Variants in SIPA1L2 observed in about 807,000 individuals in gnomAD.
The protein encoded by SIPA1L2 is signal-induced proliferation-associated 1-like protein 2.
SIPA1L2 carries 56 observed loss-of-function variants against 163.9 expected under a neutral mutation model. That is an observed-to-expected ratio of 0.34 (90% CI 0.28 to 0.43). SIPA1L2 has a LOEUF of 0.43. Among genes scored for constraint, SIPA1L2 ranks in the 20% least tolerant of loss-of-function variants. The pLI, the probability that SIPA1L2 is intolerant of heterozygous loss-of-function variation, is 1.00. For synonymous variants in SIPA1L2, 877 were observed against 865.7 expected (o/e 1.01, Z -0.23); for missense variants, 1,974 against 2,193.5 (o/e 0.90, Z 2.00).
intron 2 of SIPA1L2, among the ~76,000 whole-genome samples, chr1:232,560,156 T>A (rs547154650): frequency 7.0e-4 from 107 of 152,328 alleles, no homozygotes; most frequent in African/African-American, 1.3e-3. Flanking sequence ...CTTTGTGTTT[T>A]TAAAAACAGT....
chr1:232,449,349 T>C (rs1663414926), intron 10 of SIPA1L2, among the ~76,000 whole-genome samples: 1 of 150,410 alleles, frequency 6.6e-6, no homozygotes, highest in Non-Finnish European at 1.5e-5. Context: ...AAACCCCGTC[T>C]CTACTAAAAA....
At position 232,464,911 on chromosome 1, in the gene SIPA1L2, C is replaced by G. The variant is rs775401470; in HGVS notation, c.2749G>C (p.Gly917Arg). Residue 917 changes from glycine to arginine, a missense_variant, in exon 9 of 23, where the codon GGA becomes CGA. Physicochemically the swap from Gly to Arg is moderately radical, Grantham distance 125. Coordinates refer to ENST00000674635, the MANE Select transcript of SIPA1L2 (RefSeq NM_020808.5). Reference protein sequence around the residue: ...LVSIKVFYERGECVLLSSVDN... With the variant: ...LVSIKVFYERRECVLLSSVDN... ...ACCGAGGACAGGAGGACACATTCTC[C>G]TCTTTCGTAAAACACTTTGATACTC... is the stretch of plus-strand genomic sequence containing the variant. 8.1e-6 allele frequency: 13 copies of G among 1,614,184 alleles called. No homozygotes were observed. The South Asian group carries it at 1.4e-4, about 18-fold the overall frequency.
intron 1 of SIPA1L2, among the ~76,000 whole-genome samples, chr1:232,596,269 C>T (rs866459703): frequency 2.2e-4 from 34 of 152,302 alleles, no homozygotes; most frequent in African/African-American, 7.9e-4. Context: ...ATCCATTTTC[C>T]CTCATGAAAC....
Position 232,465,537 on chromosome 1 carries a change from TAC to T in SIPA1L2, c.2244-123_2244-122del. On this transcript the variant is annotated intron_variant, in intron 8 of 22. Coordinates refer to ENST00000674635, the MANE Select transcript of SIPA1L2 (RefSeq NM_020808.5). The surrounding 1 kb of genome is among the most constrained non-coding windows in gnomAD (Gnocchi z 4.1). ...ATACATACACACACACACACACATA[TAC>T]ATACACACATACACACACACTTTCA... 1.3e-6 allele frequency: 1 copy of T among 792,896 alleles called. No homozygotes were observed. 49.1% of individuals were successfully genotyped at this position (792,896 alleles called of 1,614,324 possible).
chr1:232,452,668 A>G (rs180732415), intron 10 of SIPA1L2, among the ~76,000 whole-genome samples: 1 of 152,320 alleles, frequency 6.6e-6, no homozygotes, highest in African/African-American at 2.4e-5. Context: ...CTGACCGTCA[A>G]GACCATCACT....
chr1:232,453,849 G>A (rs181602793), intron 10 of SIPA1L2, among the ~76,000 whole-genome samples: 234 of 151,200 alleles, frequency 1.5e-3, no homozygotes, highest in African/African-American at 4.9e-3. Flanking sequence ...AACAAAAGCC[G>A]ATCCTCTAAA....
intron 2 of SIPA1L2, among the ~76,000 whole-genome samples, chr1:232,572,762 T>C (rs77333868): frequency 0.23 from 26,691 of 117,772 alleles, 3,477 homozygotes; most frequent in East Asian, 0.3. Context: ...TATATATATA[T>C]ATATATATAT....
chr1:232,585,539 C>T (rs1403369754), intron 1 of SIPA1L2, among the ~76,000 whole-genome samples: 1 of 152,164 alleles, frequency 6.6e-6, no homozygotes, highest in Non-Finnish European at 1.5e-5. Flanking sequence ...TATTCTCTCT[C>T]CTCCTCTCTC....
At chr1:232,403,264 G>C (rs1055693219) in intron 21 of SIPA1L2, among the ~76,000 whole-genome samples, 184 bp downstream of exon 21, 1 of 152,158 alleles carries the variant, frequency 6.6e-6, no homozygotes, top group Admixed American at 6.5e-5. Flanking sequence ...AGCCAAGAGC[G>C]GTCTCCCACA....
chr1:232,403,851 T>C (rs1196623296), intron 20 of SIPA1L2, among the ~76,000 whole-genome samples: 3 of 152,216 alleles, frequency 2.0e-5, no homozygotes, highest in African/African-American at 7.2e-5. Flanking sequence ...ATTTGCTTTC[T>C]TCTTTCCACA....
intron 2 of SIPA1L2, among the ~76,000 whole-genome samples, chr1:232,568,784 T>C (rs763651240): frequency 6.6e-6 from 1 of 152,228 alleles, no homozygotes; most frequent in East Asian, 1.9e-4. Flanking sequence ...CATGTCTACA[T>C]GTGTTCACTT....
At chr1:232,574,305 A>T (rs1659960725) in intron 1 of SIPA1L2, among the ~76,000 whole-genome samples, 83 bp from the exon 2 acceptor site, 1 of 152,184 alleles carries the variant, frequency 6.6e-6, no homozygotes, top group Non-Finnish European at 1.5e-5. Flanking sequence ...AGGAATCCCC[A>T]GGGGTCCACA....
At chr1:232,620,777 A>C (rs1006799759) in intron 1 of SIPA1L2, among the ~76,000 whole-genome samples, 4 of 152,270 alleles carry the variant, frequency 2.6e-5, no homozygotes, top group Non-Finnish European at 5.9e-5. Context: ...ATTTTGGAAC[A>C]GAGCCAGCTA....
chr1:232,515,776 A>G (rs1234398337), intron 2 of SIPA1L2, among the ~76,000 whole-genome samples, 168 bp from the exon 3 acceptor site: 1 of 152,208 alleles, frequency 6.6e-6, no homozygotes, highest in East Asian at 1.9e-4. Flanking sequence ...TTCCTTCTCT[A>G]CATAGCTAGA....
At chr1:232,585,800 T>C (rs1049301568) in intron 1 of SIPA1L2, among the ~76,000 whole-genome samples, 8 of 152,174 alleles carry the variant, frequency 5.3e-5, no homozygotes, top group Non-Finnish European at 8.8e-5. Flanking sequence ...AAAGGGCTTA[T>C]AGCAACAGCA....
intron 2 of SIPA1L2, among the ~76,000 whole-genome samples, chr1:232,572,411 T>A (rs1447433143): frequency 6.6e-6 from 1 of 152,074 alleles, no homozygotes; most frequent in East Asian, 1.9e-4. Context: ...ATTTACTCAG[T>A]CTCAACGGTT....
intron 17 of SIPA1L2, 23 bp from the exon 18 acceptor site, chr1:232,425,831 G>C: frequency 6.2e-7 from 1 of 1,602,344 alleles, no homozygotes; most frequent in Non-Finnish European, 8.5e-7. Context: ...CAAGGTGCGA[G>C]GAGGGAACAG....
At chr1:232,470,426 G>C (rs1664744416) in intron 8 of SIPA1L2, among the ~76,000 whole-genome samples, 1 of 152,112 alleles carries the variant, frequency 6.6e-6, no homozygotes, top group African/African-American at 2.4e-5. Context: ...AAGATGGCTT[G>C]GGCATCTGTA....
At chr1:232,570,246 T>TA (rs951730627) in intron 2 of SIPA1L2, among the ~76,000 whole-genome samples, 2 of 152,210 alleles carry the variant, frequency 1.3e-5, no homozygotes, top group Non-Finnish European at 2.9e-5. Flanking sequence ...CAAGTCTCCC[T>TA]AATCCTCTGA....
Sources: allele counts gnomAD v4.1 joint callset (sites outside exome capture counted in the v4.1 genomes callset), GRCh38; gene constraint gnomAD v4.1.1; non-coding constraint Gnocchi (gnomAD v3.1); transcripts MANE v1.5; gene names NCBI Gene and HGNC (gene_info 2026-07-23, HGNC 2026-07-21).